Variants in UNC13C observed in about 807,000 individuals in gnomAD.
UNC13C encodes unc-13 homolog C.
Under a neutral mutation model 245.4 loss-of-function variants are expected in UNC13C, and 174 were observed. That is an observed-to-expected ratio of 0.71 (90% confidence interval 0.63 to 0.80). The LOEUF (loss-of-function observed/expected upper bound fraction) is 0.80. Ranked by LOEUF, UNC13C falls within the 30% of genes least tolerant of loss-of-function variation. The pLI is 0.00. For synonymous variants in UNC13C, 992 were observed against 895.1 expected (o/e 1.11, Z -1.93); for missense variants, 2,829 against 2,602.9 (o/e 1.09, Z -1.89).
At chr15:54,197,462 CA>C (rs111328266) in intron 4 of UNC13C, among the ~76,000 whole-genome samples, 42,805 of 134,460 alleles carry the variant, frequency 0.32, 5,913 homozygotes, top group Middle Eastern at 0.34. Context: ...GACTCCATCT[CA>C]AAAAAAAAAA....
chr15:54,052,973 G>C (rs531533938), intron 2 of UNC13C, among the ~76,000 whole-genome samples: 1 of 152,110 alleles, frequency 6.6e-6, no homozygotes, highest in Non-Finnish European at 1.5e-5. Context: ...TAGAAATCCA[G>C]TTGACTCTTA....
intron 4 of UNC13C, among the ~76,000 whole-genome samples, chr15:54,223,136 T>C (rs991403755): frequency 2.0e-5 from 3 of 152,134 alleles, no homozygotes; most frequent in Non-Finnish European, 4.4e-5. Context: ...TGGTTGCCTG[T>C]ACTTATGGGA....
chr15:54,141,128 TATTTC>T (rs2031997771), intron 2 of UNC13C, among the ~76,000 whole-genome samples: 1 of 152,198 alleles, frequency 6.6e-6, no homozygotes, highest in Non-Finnish European at 1.5e-5. Context: ...AATCAGATCT[TATTTC>T]ATTGTTTTCC....
intron 1 of UNC13C, among the ~76,000 whole-genome samples, chr15:54,010,517 C>T (rs909868430): frequency 6.6e-6 from 1 of 152,074 alleles, no homozygotes; most frequent in African/African-American, 2.4e-5. Flanking sequence ...GAAGAAGGAA[C>T]AGCATGGAAA....
At chr15:54,613,922 T>C (rs1222800533) in intron 30 of UNC13C, among the ~76,000 whole-genome samples, 2 of 151,950 alleles carry the variant, frequency 1.3e-5, no homozygotes, top group Non-Finnish European at 2.9e-5. Flanking sequence ...GAGAAACTAT[T>C]ATACATTGCA....
intron 13 of UNC13C, among the ~76,000 whole-genome samples, chr15:54,308,800 G>A (rs2037790595): frequency 6.6e-6 from 1 of 151,512 alleles, no homozygotes; most frequent in Admixed American, 6.6e-5. Flanking sequence ...TTAACATAAT[G>A]TTCTCCATGT....
chr15:54,457,487 G>T (rs1214368433), intron 19 of UNC13C, among the ~76,000 whole-genome samples: 1 of 152,062 alleles, frequency 6.6e-6, no homozygotes. Flanking sequence ...ATAGAATTCA[G>T]CTGTGAATCC....
At chr15:54,488,710 CT>C (rs1287909584) in intron 19 of UNC13C, among the ~76,000 whole-genome samples, 1 of 152,120 alleles carries the variant, frequency 6.6e-6, no homozygotes, top group East Asian at 1.9e-4. Context: ...ATTGCCAAGC[CT>C]TTTCCTTGTA....
At chr15:54,394,302 A>G (rs766604458) in intron 18 of UNC13C, among the ~76,000 whole-genome samples, 13 of 151,788 alleles carry the variant, frequency 8.6e-5, no homozygotes, top group Non-Finnish European at 1.8e-4. Flanking sequence ...GATAATATCA[A>G]GTTTGCCCTT....
intron 2 of UNC13C, among the ~76,000 whole-genome samples, chr15:54,064,950 C>T (rs1226651320): frequency 6.6e-6 from 1 of 152,204 alleles, no homozygotes; most frequent in Non-Finnish European, 1.5e-5. Context: ...TAAATTCACT[C>T]TGCAAGGAAT....
At chr15:54,478,639 C>T (rs1479681657) in intron 19 of UNC13C, among the ~76,000 whole-genome samples, 1 of 151,582 alleles carries the variant, frequency 6.6e-6, no homozygotes, top group Non-Finnish European at 1.5e-5. Context: ...GTTTCTTAAT[C>T]CTGAGTTCTA....
intron 10 of UNC13C, among the ~76,000 whole-genome samples, chr15:54,273,139 A>G (rs2036732524): frequency 6.6e-6 from 1 of 152,176 alleles, no homozygotes; most frequent in Non-Finnish European, 1.5e-5. Context: ...CTACAATTAA[A>G]CTAGTACATG....
At chr15:54,426,718 T>A (rs1398420932) in intron 19 of UNC13C, among the ~76,000 whole-genome samples, 1 of 151,736 alleles carries the variant, frequency 6.6e-6, no homozygotes, top group Non-Finnish European at 1.5e-5. Flanking sequence ...GACATTGGCT[T>A]TAGTCAGACA....
intron 2 of UNC13C, among the ~76,000 whole-genome samples, chr15:54,068,690 C>A (rs547037219): frequency 6.6e-6 from 1 of 152,140 alleles, no homozygotes; most frequent in Admixed American, 6.6e-5. Context: ...CAGAACCATA[C>A]TAAATATATG....
intron 1 of UNC13C, among the ~76,000 whole-genome samples, chr15:53,982,394 A>G (rs1044585190): frequency 6.6e-6 from 1 of 151,982 alleles, no homozygotes; most frequent in Non-Finnish European, 1.5e-5. Flanking sequence ...ATATAAAAGA[A>G]AAAGAGCAGT....
rs1219275078 is a variant in UNC13C, at chr15:54,405,433, C to G, written c.4848-9549C>G. Among the ~76,000 whole-genome samples, 18 of 152,158 alleles carry G rather than the reference C, an allele frequency of 1.2e-4. No homozygotes were observed. The East Asian group carries it at 3.1e-3, about 26-fold the overall frequency. ...GTATAGACTCCTTAGGTAGCCCCCA[C>G]CAAAAGGCAGAAGTATTCAATTGTG... is the stretch of plus-strand genomic sequence containing the variant. On this transcript the variant is annotated intron_variant, in intron 18 of 32. Transcript: ENST00000260323.
At chr15:54,595,999 A>G (rs575296067) in intron 30 of UNC13C, among the ~76,000 whole-genome samples, 128 of 149,872 alleles carry the variant, frequency 8.5e-4, no homozygotes, top group African/African-American at 3.0e-3. Flanking sequence ...GAATTTGAAG[A>G]AAAAAAAAAG....
At chr15:54,458,460 C>T (rs1008113386) in intron 19 of UNC13C, among the ~76,000 whole-genome samples, 1 of 151,962 alleles carries the variant, frequency 6.6e-6, no homozygotes, top group Non-Finnish European at 1.5e-5. Context: ...GTCTTAATGA[C>T]CTGCCTAGTG....
intron 19 of UNC13C, among the ~76,000 whole-genome samples, chr15:54,451,694 G>A (rs2141009078): frequency 6.6e-6 from 1 of 152,054 alleles, no homozygotes; most frequent in East Asian, 1.9e-4. Flanking sequence ...TTAGTTATCT[G>A]TATTGTGTTG....
Sources: allele counts gnomAD v4.1 joint callset (sites outside exome capture counted in the v4.1 genomes callset), GRCh38; gene constraint gnomAD v4.1.1; transcripts MANE v1.5; gene names NCBI Gene and HGNC (gene_info 2026-07-23, HGNC 2026-07-21).